The following IKZF5 variants were observed in gnomAD, a reference collection of about 807,000 sequenced individuals.
IKZF5 encodes the protein zinc finger protein Pegasus.
A neutral mutation model predicts 30.7 loss-of-function variants in IKZF5; 4 were observed. The observed-to-expected ratio is 0.13, with a 90% CI of 0.06 to 0.30. The LOEUF is 0.30. IKZF5 is among the 10% of genes least tolerant of loss of function. IKZF5 has a pLI of 1.00. For synonymous variants in IKZF5, 148 were observed against 179.6 expected, an observed-to-expected ratio of 0.82 and a Z score of 1.41; for missense variants, 348 against 525.5, an observed-to-expected ratio of 0.66 and a Z score of 3.30.
chr10:123,000,108 C>T lies in IKZF5; in HGVS notation c.-46-1437G>A, dbSNP rs182592399. On this transcript the variant is annotated intron_variant, in intron 2 of 4. Transcript: ENST00000368886. Reference sequence around the variant, plus strand: ...TACATATATAGAAAAGCACATAAATCATAAGAGCAGAGCTCAATGAATTGT... The same window carrying T: ...TACATATATAGAAAAGCACATAAATTATAAGAGCAGAGCTCAATGAATTGT... Among the ~76,000 whole-genome samples, 259 of 152,296 alleles carry T rather than the reference C, an allele frequency of 1.7e-3. 2 individuals carry two copies. The highest frequency in any genetic ancestry group is 6.0e-3 in the African/African-American group (250 of 41,548).
intron 4 of IKZF5, among the ~76,000 whole-genome samples, chr10:122,995,530 G>A (rs1434372440): frequency 6.6e-6 from 1 of 152,154 alleles, no homozygotes; most frequent in Non-Finnish European, 1.5e-5. Context: ...GTCTGACCTG[G>A]TCTTGGGCAG....
rs769934163 is a variant in IKZF5, at chr10:122,996,153, C to G, written c.157G>C (p.Gly53Arg). Residue 53 changes from glycine (G) to arginine (R), a missense_variant, in exon 4 of 5, where the codon GGA (glycine) becomes CGA (arginine). Gly to Arg is a moderately radical substitution (Grantham distance 125, BLOSUM62 -2). Coordinates refer to ENST00000368886, the MANE Select transcript of IKZF5 (RefSeq NM_001372123.1). Reference protein sequence around the residue: ...QGAGTDGDQNGLDHPSVEVSL... With the variant: ...QGAGTDGDQNRLDHPSVEVSL... Reference sequence around the variant, plus strand: ...ACTTCAACAGATGGGTGATCAAGTCCATTTTGATCACCATCTGTTCCAGCT... The same window carrying G: ...ACTTCAACAGATGGGTGATCAAGTCGATTTTGATCACCATCTGTTCCAGCT... The G allele has an allele frequency of 6.2e-7, 1 of 1,613,500 alleles. No homozygotes were observed. Among genetic ancestry groups the G allele is most frequent in the Non-Finnish European group, 8.5e-7 (1 of 1,179,886 alleles).
chr10:123,005,266 C>A (rs1410705140), intron 2 of IKZF5, among the ~76,000 whole-genome samples: 1 of 152,220 alleles, frequency 6.6e-6, no homozygotes, highest in Non-Finnish European at 1.5e-5. Context: ...AATCTAGGAA[C>A]TCCACAAATT....
intron 2 of IKZF5, among the ~76,000 whole-genome samples, chr10:122,999,013 G>A (rs560055059): frequency 6.6e-6 from 1 of 152,212 alleles, no homozygotes; most frequent in African/African-American, 2.4e-5. Flanking sequence ...CCAACATAGG[G>A]AGAACTTGTC....
intron 2 of IKZF5, among the ~76,000 whole-genome samples, chr10:123,005,956 G>A (rs1316448785): frequency 6.6e-6 from 1 of 152,166 alleles, no homozygotes. Context: ...TATGATGATT[G>A]TTCCTTATGA....
chr10:123,002,519 CAAA>C (rs764081145), intron 2 of IKZF5, among the ~76,000 whole-genome samples: 3 of 96,856 alleles, frequency 3.1e-5, no homozygotes, highest in Non-Finnish European at 4.3e-5. Flanking sequence ...ATTCTGTCTC[CAAA>C]AAAAAAAAAA....
chr10:122,996,623 G>A (rs1849382356), intron 3 of IKZF5, among the ~76,000 whole-genome samples: 1 of 152,174 alleles, frequency 6.6e-6, no homozygotes, highest in African/African-American at 2.4e-5. Context: ...AGAATCGCTG[G>A]AATCCAGGAG....
chr10:123,003,246 G>C (rs1243006107), intron 2 of IKZF5, among the ~76,000 whole-genome samples: 2 of 143,254 alleles, frequency 1.4e-5, no homozygotes, highest in Non-Finnish European at 3.0e-5. Flanking sequence ...ACTTTTGTGG[G>C]GGGGGGGGTC....
rs144085968 is a variant in IKZF5 at position 123,003,537 on chromosome 10, A to G, written c.-47+3489T>C. On this transcript the variant is annotated intron_variant, in intron 2 of 4. Transcript: ENST00000368886. ...TTTTGTAAAATGGAATCATAATCCA[A>G]CTTGCAGTGCTATCTTAAGTTTTAT... Among the ~76,000 whole-genome samples the G allele has an allele frequency of 7.9e-5, 12 of 152,322 alleles. No individual in the cohort carries two copies. In the East Asian group the frequency reaches 2.3e-3, roughly 29 times the overall value.
intron 3 of IKZF5, 74 bp downstream of exon 3, chr10:122,998,419 C>G (rs1432939126): frequency 2.3e-6 from 3 of 1,300,504 alleles, no homozygotes; most frequent in South Asian, 1.4e-5. Flanking sequence ...CAGTGGTCTT[C>G]ACAGTAACAG....
intron 2 of IKZF5, among the ~76,000 whole-genome samples, chr10:122,999,937 T>C (rs1849522047): frequency 6.6e-6 from 1 of 152,214 alleles, no homozygotes; most frequent in South Asian, 2.1e-4. Flanking sequence ...CTCTGGTAAA[T>C]ATACCTTATA....
In IKZF5 at chr10:122,998,651, T is replaced by G; in HGVS notation, c.-26A>C. ...CTTTGCTTTTTTAACATTTACAGTT[T>G]GTTAGACCTAGAAAACAAAACTGAA... On this transcript the variant is annotated 5_prime_UTR_variant, in exon 3 of 5. Transcript: ENST00000368886. 6.2e-7 allele frequency: 1 copy of G among 1,606,392 alleles called. No individual in the cohort carries two copies. The highest frequency in any genetic ancestry group is 1.7e-5 in the Admixed American group (1 of 58,566).
At chr10:122,997,654 T>C (rs1849425973) in intron 3 of IKZF5, 1 of 152,232 alleles carries the variant, frequency 6.6e-6, no homozygotes, top group Non-Finnish European at 1.5e-5. Flanking sequence ...TCTATAGGCA[T>C]GAAATAGTAA....
rs1333960690 is a variant in IKZF5 at position 122,991,350 on chromosome 10, A to G, written c.*2430T>C. The G allele has an allele frequency of 1.3e-5, 2 of 152,220 alleles. No homozygotes were observed. The highest frequency in any genetic ancestry group is 2.9e-5 in the Non-Finnish European group (2 of 68,026). 9.4% of individuals were successfully genotyped at this position (152,220 alleles called of 1,614,324 possible). A position where few individuals can be genotyped will look rare whatever the true frequency, so the allele number is the denominator to read the frequency against. On this transcript the variant is annotated 3_prime_UTR_variant, in exon 5 of 5. Coordinates refer to ENST00000368886, the MANE Select transcript of IKZF5 (RefSeq NM_001372123.1). ...CAGTTTCTTAAAAAAATATTAGTGG[A>G]GATAAATTATCTACCAACTTTAAAA...
chr10:123,006,850 A>G (rs1180450833), intron 2 of IKZF5, among the ~76,000 whole-genome samples, 176 bp downstream of exon 2: 3 of 152,236 alleles, frequency 2.0e-5, no homozygotes, highest in Non-Finnish European at 4.4e-5. Flanking sequence ...TCTATGGAGT[A>G]ACATGGGCCT....
rs1202845021 is a variant in IKZF5, at chr10:122,998,502, G to A, written c.124C>T (p.Leu42Phe). The A allele has an allele frequency of 1.2e-6, 2 of 1,611,314 alleles. No individual in the cohort carries two copies. Among genetic ancestry groups the A allele is most frequent in the Non-Finnish European group, 1.7e-6 (2 of 1,178,684 alleles). The change falls in exon 3 of 5, where the codon CTT (leucine) becomes TTT (phenylalanine). Residue 42 changes from leucine (L) to phenylalanine (F), a missense_variant. This residue lies in a region of IKZF5 where 80 missense variants were observed against 93.2 expected (regional missense o/e 0.86). Transcript: ENST00000368886. ...SVSGDKEAEA[L>F]QGAGTDGDQN... ...ATTAAAATGAGTCTACCTCCCTGAA[G>A]AGCCTCTGCTTCTTTGTCCCCACTA... is the stretch of plus-strand genomic sequence containing the variant.
intron 2 of IKZF5, among the ~76,000 whole-genome samples, chr10:123,004,537 C>A (rs1182735541): frequency 1.3e-5 from 2 of 151,508 alleles, no homozygotes; most frequent in Non-Finnish European, 2.9e-5. Flanking sequence ...TTTTGACAGT[C>A]TTGGCTATTA....
rs1182482872 is a variant in IKZF5, at chr10:122,991,176, C to T, written c.*2604G>A. The T allele has an allele frequency of 6.6e-6, 1 of 151,986 alleles. No homozygotes were observed. Among genetic ancestry groups the T allele is most frequent in the Non-Finnish European group, 1.5e-5 (1 of 67,978 alleles). The allele number at this position is 151,986 out of a possible 1,614,324, so 9.4% of individuals were successfully genotyped here. A position where few individuals can be genotyped will look rare whatever the true frequency, so the allele number is the denominator to read the frequency against. ...CCAGTTTTTGCAGAAGAATGGCAAA[C>T]ACTTATTTCTAAAATGAAATAGCCC... On this transcript the variant is annotated 3_prime_UTR_variant, in exon 5 of 5. Transcript: ENST00000368886.
chr10:122,992,670 G>A lies in IKZF5; in HGVS notation c.*1110C>T, dbSNP rs530589939. 5.3e-5 allele frequency: 8 copies of A among 151,944 alleles called. No individual in the cohort carries two copies. The East Asian group carries it at 9.6e-4, about 18-fold the overall frequency. 9.4% of individuals were successfully genotyped at this position (151,944 alleles called of 1,614,324 possible). A position where few individuals can be genotyped will look rare whatever the true frequency, so the allele number is the denominator to read the frequency against. On this transcript the variant is annotated 3_prime_UTR_variant, in exon 5 of 5. Transcript: ENST00000368886. ...GATGATTTAGTTTCTACACAGTTTC[G>A]TCACTGTACATGAAGACTGGTAAAA...
Sources: allele counts gnomAD v4.1 joint callset (sites outside exome capture counted in the v4.1 genomes callset), GRCh38; gene constraint gnomAD v4.1.1; regional missense constraint gnomAD v4.1.1; transcripts MANE v1.5; gene names NCBI Gene and HGNC (gene_info 2026-07-23, HGNC 2026-07-21).